The following GFI1B variants were observed in gnomAD, a reference collection of about 807,000 sequenced individuals.
GFI1B encodes the protein zinc finger protein Gfi-1b.
Under a neutral mutation model 35.3 loss-of-function variants are expected in GFI1B, and 20 were observed. That is an observed-to-expected ratio of 0.57 (90% CI 0.40 to 0.82). The LOEUF is 0.82. Ranked by LOEUF, GFI1B falls within the 40% of genes least tolerant of loss-of-function variation. The pLI is 0.00. For synonymous variants in GFI1B, 178 were observed against 177.6 expected (o/e 1.00, Z -0.02); for missense variants, 430 against 446.3 (o/e 0.96, Z 0.33).
intron 6 of GFI1B, among the ~76,000 whole-genome samples, chr9:132,990,466 T>A (rs1238650791): frequency 1.3e-5 from 2 of 152,250 alleles, no homozygotes; most frequent in Non-Finnish European, 2.9e-5. Flanking sequence ...CATTTGCTCA[T>A]TTATTCACAC....
At chr9:132,986,624 T>C in intron 1 of GFI1B, 35 bp from the exon 2 acceptor site, 2 of 1,058,324 alleles carry the variant, frequency 1.9e-6, no homozygotes, top group Middle Eastern at 2.2e-4. Context: ...TGTTCTCTTG[T>C]CCTTCCTAAC....
At position 132,962,923 on chromosome 9, in the gene GFI1B, A is replaced by AC. The variant is rs796534320; in HGVS notation, c.-700-9802_-700-9801insC. ...CCATCTCTACTAAAAATACAAAAAA[A>AC]AAAAAAAAAATAGCCAGGCGTGGTG... On this transcript the variant is annotated intron_variant, in intron 1 of 10. Coordinates refer to the GFI1B transcript ENST00000339463. Among the ~76,000 whole-genome samples, 54 of 148,314 alleles carry AC rather than the reference A, an allele frequency of 3.6e-4. 1 individual carries two copies. In the East Asian group the frequency reaches 0.01, roughly 28 times the overall value.
chr9:132,985,217 C>A (rs1033409854), intron 1 of GFI1B, among the ~76,000 whole-genome samples: 1 of 152,280 alleles, frequency 6.6e-6, no homozygotes, highest in Non-Finnish European at 1.5e-5. Flanking sequence ...GGGATGTGAA[C>A]CATTCTGGGG....
chr9:132,967,587 G>T (rs1848467764), intron 1 of GFI1B, among the ~76,000 whole-genome samples: 1 of 152,154 alleles, frequency 6.6e-6, no homozygotes, highest in Admixed American at 6.5e-5. Context: ...ATATAGACTG[G>T]ATATTCGACA....
rs754456683 is a variant in GFI1B at position 132,980,836 on chromosome 9, C to T, written c.-21+1995C>T. Among the ~76,000 whole-genome samples, 14 of 152,194 alleles carry T rather than the reference C, an allele frequency of 9.2e-5. 1 individual carries two copies. In the South Asian group the frequency reaches 1.9e-3, roughly 20 times the overall value. Reference sequence around the variant, plus strand: ...TCAGGTTCATCCATGTTGTAGCATGCGCCAGCATTTCCTTCCTTTTTAAGG... The same window carrying T: ...TCAGGTTCATCCATGTTGTAGCATGTGCCAGCATTTCCTTCCTTTTTAAGG... On this transcript the variant is annotated intron_variant, in intron 1 of 6. Transcript: ENST00000372122.
chr9:132,986,614 T>C, intron 1 of GFI1B, 45 bp from the exon 2 acceptor site: 1 of 944,632 alleles, frequency 1.1e-6, no homozygotes. Context: ...GGAGGGGTAT[T>C]GTTCTCTTGT....
In GFI1B at chr9:132,986,857, C is replaced by T. The variant is rs998246328; in HGVS notation, c.100+79C>T. On this transcript the variant is annotated intron_variant, in intron 2 of 6. Transcript: ENST00000372122. ...TGCGTGATGAGGGTGCAGCAGCGTC[C>T]CTCCTGCAGCAGCCTCTTCTTCCAA... 2.2e-5 allele frequency: 18 copies of T among 833,248 alleles called. No homozygotes were observed. In the African/African-American group the frequency reaches 2.5e-4, roughly 12 times the overall value. The allele number at this position is 833,248 out of a possible 1,614,324, so 51.6% of individuals were successfully genotyped here. A position where few individuals can be genotyped will look rare whatever the true frequency, so the allele number is the denominator to read the frequency against.
At chr9:132,978,256 C>A, upstream of GFI1B, among the ~76,000 whole-genome samples, 5 of 126,682 alleles carry the variant, frequency 3.9e-5, no homozygotes, top group South Asian at 2.4e-4. Context: ...AGGAAGGAGG[C>A]AGGGAGGGAG....
Position 132,988,402 on chromosome 9 carries a change from C to A in GFI1B, c.444C>A (p.Pro148=), listed in dbSNP as rs766473410. The A allele has an allele frequency of 6.2e-7, 1 of 1,614,092 alleles. No homozygotes were observed. The highest frequency in any genetic ancestry group is 2.2e-5 in the East Asian group (1 of 44,882). ...GTCCTCTTGTGCCCAGCACTGAGCC[C>A]GCCTTGGACTTCAGCCTCCGCTACT... ...YGSPLVPSTE[P]ALDFSLRYSP... The change falls in exon 4 of 7, where the codon CCC becomes CCA. Residue 148 remains proline, a synonymous_variant. Coordinates refer to ENST00000372122, the MANE Select transcript of GFI1B (RefSeq NM_001377304.1).
intron 1 of GFI1B, among the ~76,000 whole-genome samples, chr9:132,966,733 A>G (rs894629664): frequency 6.6e-5 from 10 of 152,210 alleles, no homozygotes; most frequent in African/African-American, 2.4e-4. Flanking sequence ...ACTGGGTGTC[A>G]CCATTTTAAC....
chr9:132,973,068 C>T (rs1848557951), intron 2 of GFI1B, among the ~76,000 whole-genome samples: 1 of 152,236 alleles, frequency 6.6e-6, no homozygotes, highest in Non-Finnish European at 1.5e-5. Context: ...AGCAGACGAG[C>T]CCCAATGCCC....
downstream of GFI1B, among the ~76,000 whole-genome samples, chr9:132,993,114 T>C (rs1315205564): frequency 6.6e-6 from 1 of 152,102 alleles, no homozygotes; most frequent in African/African-American, 2.4e-5. Context: ...GCCAACATGG[T>C]GAAACCCTGT....
chr9:132,955,539 G>A (rs114065029), intron 1 of GFI1B, among the ~76,000 whole-genome samples: 254 of 152,190 alleles, frequency 1.7e-3, no homozygotes, highest in African/African-American at 5.5e-3. Flanking sequence ...TGATCCTCCC[G>A]CCTTGGTCTC....
At chr9:132,981,487 A>G (rs1411821842) in intron 1 of GFI1B, among the ~76,000 whole-genome samples, 1 of 151,994 alleles carries the variant, frequency 6.6e-6, no homozygotes, top group African/African-American at 2.4e-5. Flanking sequence ...AAAATACAAA[A>G]ATTAGCCAAC....
intron 1 of GFI1B, among the ~76,000 whole-genome samples, chr9:132,954,103 A>AT (rs1564522650): frequency 6.6e-6 from 1 of 151,908 alleles, no homozygotes; most frequent in East Asian, 1.9e-4. Context: ...TAAAGAATCA[A>AT]TTTTTTGTGT....
rs577053483 is a variant in GFI1B, at chr9:132,967,229, A to T, written c.-700-5496A>T. On this transcript the variant is annotated intron_variant, in intron 1 of 10. Transcript: ENST00000339463. ...CCAGATGTGGCCCCTCAATCTTCCCAGCCTCCAGAACTGTGAGCCAAATAA... is the reference window on the plus strand; with the variant it reads ...CCAGATGTGGCCCCTCAATCTTCCCTGCCTCCAGAACTGTGAGCCAAATAA... Among the ~76,000 whole-genome samples, 67 of 152,260 alleles carry T rather than the reference A, an allele frequency of 4.4e-4. 1 individual carries two copies. Among genetic ancestry groups the T allele is most frequent in the Admixed American group, 3.8e-3 (58 of 15,290 alleles).
intron 1 of GFI1B, among the ~76,000 whole-genome samples, chr9:132,949,342 T>TACACACACACACAC (rs367698473): frequency 9.1e-6 from 1 of 110,466 alleles, no homozygotes. Context: ...CACACACACA[T>TACACACACACACAC]ACACACACAC....
At chr9:132,976,780 A>C (rs13298327), upstream of GFI1B, among the ~76,000 whole-genome samples, 36,618 of 151,726 alleles carry the variant, frequency 0.24, 5,258 homozygotes, top group Non-Finnish European at 0.33. Flanking sequence ...CCCATCTCTA[A>C]AAAAAATAAA....
upstream of GFI1B, among the ~76,000 whole-genome samples, chr9:132,977,807 C>T (rs987665350): frequency 3.3e-5 from 5 of 152,174 alleles, no homozygotes; most frequent in Admixed American, 3.3e-4. Flanking sequence ...CACTGGCCTC[C>T]CCATCACTTT....
Sources: allele counts gnomAD v4.1 joint callset (sites outside exome capture counted in the v4.1 genomes callset), GRCh38; gene constraint gnomAD v4.1.1; transcripts MANE v1.5; gene names NCBI Gene and HGNC (gene_info 2026-07-23, HGNC 2026-07-21).